UGGT1: variants seen among roughly 807,000 people sequenced by gnomAD.
The protein encoded by UGGT1 is UDP-glucose glycoprotein glucosyltransferase 1, also known as UDP-glucose:glycoprotein glucosyltransferase 1.
Under a neutral mutation model 203.9 loss-of-function variants are expected in UGGT1, and 107 were observed. The observed-to-expected ratio is 0.52, with a 90% CI of 0.45 to 0.62. The LOEUF (loss-of-function observed/expected upper bound fraction) is 0.62. Ranked by LOEUF, UGGT1 falls within the 20% of genes least tolerant of loss-of-function variation. The pLI, the probability that UGGT1 is intolerant of heterozygous loss-of-function variation, is 0.00. For missense variants in UGGT1, 1,673 were observed against 1,867.2 expected, an observed-to-expected ratio of 0.90 and a Z score of 1.92; for synonymous variants, 628 against 653.5, an observed-to-expected ratio of 0.96 and a Z score of 0.59.
intron 22 of UGGT1, among the ~76,000 whole-genome samples, chr2:128,158,739 GC>G (rs1319218299): frequency 3.9e-5 from 6 of 151,972 alleles, no homozygotes; most frequent in African/African-American, 1.4e-4. Context: ...CCCTTTTTTG[GC>G]TTTGTGTGTC....
intron 11 of UGGT1, among the ~76,000 whole-genome samples, chr2:128,124,223 G>A (rs2105399875): frequency 6.6e-6 from 1 of 152,292 alleles, no homozygotes; most frequent in Admixed American, 6.5e-5. Context: ...TGGGATTACA[G>A]GCATGAGCCA....
chr2:128,184,087 A>C (rs1263672788), intron 38 of UGGT1, among the ~76,000 whole-genome samples: 1 of 152,138 alleles, frequency 6.6e-6, no homozygotes, highest in Non-Finnish European at 1.5e-5. Context: ...TTTGTACTCA[A>C]ACTAATCTCA....
Position 128,121,227 on chromosome 2 carries a change from C to T in UGGT1, c.1002C>T (p.Ile334=). 1 of 1,613,974 alleles carries T rather than the reference C, an allele frequency of 6.2e-7. No individual in the cohort carries two copies. The highest frequency in any genetic ancestry group is 8.5e-7 in the Non-Finnish European group (1 of 1,179,980). ...QDLSFQTAAR[I]LASPVELALV... Reference sequence around the variant, plus strand: ...TCAGTTTCCAGACTGCTGCTCGAATCTTGGCTTCTCCTGTTGAGTTGGCTT... The same window carrying T: ...TCAGTTTCCAGACTGCTGCTCGAATTTTGGCTTCTCCTGTTGAGTTGGCTT... The change falls in exon 10 of 41, where the codon ATC becomes ATT. Residue 334 remains isoleucine, a synonymous_variant. Coordinates refer to ENST00000259253, the MANE Select transcript of UGGT1 (RefSeq NM_020120.4).
chr2:128,135,030 A>G, intron 15 of UGGT1, 69 bp downstream of exon 15: 1 of 1,327,604 alleles, frequency 7.5e-7, no homozygotes, highest in Non-Finnish European at 1.1e-6. Flanking sequence ...TTTAAATGCA[A>G]GTCTGGTGCT....
At position 128,097,360 on chromosome 2, in the gene UGGT1, G is replaced by A. The variant is rs370741550; in HGVS notation, c.59-69G>A. On this transcript the variant is annotated intron_variant, in intron 1 of 40. Coordinates refer to ENST00000259253, the MANE Select transcript of UGGT1 (RefSeq NM_020120.4). ...ACTGCACTCCAGCCTGGGCGACAGG[G>A]CGAGACTGCGTCTCAAAAAAAAAAA... is the stretch of plus-strand genomic sequence containing the variant. 32 of 1,539,600 alleles carry A rather than the reference G, an allele frequency of 2.1e-5. No individual in the cohort carries two copies. The East Asian group carries it at 7.0e-4, about 34-fold the overall frequency.
intron 3 of UGGT1, among the ~76,000 whole-genome samples, chr2:128,104,792 A>AT (rs1321244276): frequency 6.6e-6 from 1 of 152,094 alleles, no homozygotes; most frequent in Non-Finnish European, 1.5e-5. Flanking sequence ...GATTACAGGC[A>AT]TTCGCCACTA....
At position 128,173,922 on chromosome 2, in the gene UGGT1, A is replaced by G. The variant is rs750614392; in HGVS notation, c.3436A>G (p.Ile1146Val). The G allele has an allele frequency of 2.0e-5, 33 of 1,614,170 alleles. No individual in the cohort carries two copies. The South Asian group carries it at 3.5e-4, about 17-fold the overall frequency. Residue 1146 changes from isoleucine (I) to valine (V), a missense_variant, in exon 30 of 41, where the codon ATT becomes GTT. By Grantham distance (29) the Ile-to-Val change is conservative. This residue lies in a region of UGGT1 where 513 missense variants were observed against 684.1 expected (regional missense o/e 0.75). Transcript: ENST00000259253. ...TSANPVIVDT[I>V]VMANLGYFQL... The stretch of plus-strand genomic sequence containing the variant: ...AGCCAACCCGGTCATTGTGGACACC[A>G]TTGTTATGGCCAATCTGGTAAATAA...
intron 28 of UGGT1, among the ~76,000 whole-genome samples, chr2:128,172,236 T>TC (rs1266088486): frequency 6.6e-6 from 1 of 152,142 alleles, no homozygotes; most frequent in Non-Finnish European, 1.5e-5. Context: ...TGGCCTCCGT[T>TC]CAAGTGATTG....
chr2:128,094,541 C>T (rs1431164854), intron 1 of UGGT1, among the ~76,000 whole-genome samples: 1 of 151,998 alleles, frequency 6.6e-6, no homozygotes, highest in Non-Finnish European at 1.5e-5. Flanking sequence ...GACTAAGGGC[C>T]TGGGAAGTTA....
intron 22 of UGGT1, among the ~76,000 whole-genome samples, chr2:128,157,733 G>A (rs770362625): frequency 3.2e-4 from 48 of 152,284 alleles, no homozygotes; most frequent in Non-Finnish European, 4.0e-4. Flanking sequence ...CACAGGAATG[G>A]TAGTGTGTGT....
chr2:128,164,641 T>TCCATATCA, intron 25 of UGGT1, 89 bp from the exon 26 acceptor site: 1 of 1,051,628 alleles, frequency 9.5e-7, no homozygotes, highest in African/African-American at 1.6e-5. Flanking sequence ...CTTGTTAGAA[T>TCCATATCA]TCAGTATTTG....
intron 38 of UGGT1, among the ~76,000 whole-genome samples, chr2:128,185,094 A>G (rs1325045429): frequency 3.3e-5 from 5 of 151,532 alleles, no homozygotes; most frequent in African/African-American, 4.8e-5. Flanking sequence ...TGTCTATCAC[A>G]TATTTGTTTA....
In UGGT1 at chr2:128,138,718, A is replaced by G. The variant is rs1021413588; in HGVS notation, c.1585A>G (p.Ile529Val). The G allele has an allele frequency of 2.5e-6, 4 of 1,608,200 alleles. No individual in the cohort carries two copies. Among genetic ancestry groups the G allele is most frequent in the Middle Eastern group, 1.6e-4 (1 of 6,068 alleles). Residue 529 changes from isoleucine to valine, a missense_variant and splice_region_variant, in exon 16 of 41, where the codon ATT (isoleucine) becomes GTT (valine). Transcript: ENST00000259253. ...TTTTTCTTTTCCCTTTCCCTCCAGA[A>G]TTGGTTTTATCTTTGTGGTTAATGA... Reference protein sequence around the residue: ...MFLSNHIPLRIGFIFVVNDSE... With the variant: ...MFLSNHIPLRVGFIFVVNDSE...
In UGGT1 at chr2:128,115,507, A is replaced by G. The variant is rs1442680040; in HGVS notation, c.793+287A>G. On this transcript the variant is annotated intron_variant, in intron 7 of 40. Coordinates refer to ENST00000259253, the MANE Select transcript of UGGT1 (RefSeq NM_020120.4). ...CTAAAAAAAAAAAAAAAAAAAAAAC[A>G]AAAACCCTCAAAAAAAGAACCTGGC... 1.9e-4 allele frequency among the ~76,000 whole-genome samples: 21 copies of G among 110,238 alleles called. No homozygotes were observed. The East Asian group carries it at 5.3e-3, about 28-fold the overall frequency. The allele number at this position is 110,238 out of a possible 152,430, so 72.3% of individuals were successfully genotyped here.
intron 12 of UGGT1, 67 bp from the exon 13 acceptor site, chr2:128,128,962 T>A: frequency 6.9e-7 from 1 of 1,456,532 alleles, no homozygotes. Flanking sequence ...ACATTTTTTT[T>A]CATGGTGAGA....
At chr2:128,146,280 C>T (rs1167758379) in intron 18 of UGGT1, among the ~76,000 whole-genome samples, 3 of 152,018 alleles carry the variant, frequency 2.0e-5, no homozygotes, top group Non-Finnish European at 4.4e-5. Flanking sequence ...CACTGTACCC[C>T]AGCCTGGGTG....
chr2:128,147,372 T>A (rs911650437), intron 18 of UGGT1, among the ~76,000 whole-genome samples: 2 of 152,198 alleles, frequency 1.3e-5, no homozygotes, highest in African/African-American at 4.8e-5. Context: ...TATTATTTGG[T>A]GAGATGTTGG....
At chr2:128,168,820 G>T (rs554878436) in intron 26 of UGGT1, among the ~76,000 whole-genome samples, 1 of 152,236 alleles carries the variant, frequency 6.6e-6, no homozygotes, top group South Asian at 2.1e-4. Flanking sequence ...GCCAAGGCAG[G>T]CAGATCACTT....
At position 128,178,508 on chromosome 2, in the gene UGGT1, A is replaced by G. The variant is rs763787325; in HGVS notation, c.3754A>G (p.Lys1252Glu). 6 of 1,613,798 alleles carry G rather than the reference A, an allele frequency of 3.7e-6. No homozygotes were observed. In the African/African-American group the frequency reaches 5.3e-5, roughly 14 times the overall value. The change falls in exon 34 of 41, where the codon AAA (lysine) becomes GAA (glutamate). Residue 1252 changes from lysine to glutamate, a missense_variant. By Grantham distance (56) the Lys-to-Glu change is moderately conservative (BLOSUM62 1). Coordinates refer to ENST00000259253, the MANE Select transcript of UGGT1 (RefSeq NM_020120.4). ...GQKTEEVKQD[K>E]DDIINIFSVA... is the part of the protein sequence containing the mutation. Reference sequence around the variant, plus strand: ...GAAGACTGAGGAAGTGAAGCAAGATAAAGATGACATAATTAATATTTTCTC... The same window carrying G: ...GAAGACTGAGGAAGTGAAGCAAGATGAAGATGACATAATTAATATTTTCTC...
Sources: allele counts gnomAD v4.1 joint callset (sites outside exome capture counted in the v4.1 genomes callset), GRCh38; gene constraint gnomAD v4.1.1; regional missense constraint gnomAD v4.1.1; transcripts MANE v1.5; gene names NCBI Gene and HGNC (gene_info 2026-07-23, HGNC 2026-07-21).